The following SPDYA variants were observed in gnomAD, a reference collection of about 807,000 sequenced individuals.
SPDYA encodes speedy protein A.
A neutral mutation model predicts 36.7 loss-of-function variants in SPDYA; 11 were observed. The ratio of observed to expected loss-of-function variants is 0.30; its 90% CI spans 0.19 to 0.50. The LOEUF (loss-of-function observed/expected upper bound fraction) is 0.50. SPDYA is among the 20% of genes least tolerant of loss of function. The probability of loss-of-function intolerance (pLI) is 0.98; values close to 1 mark genes in which losing one functional copy is unlikely to be tolerated. For missense variants in SPDYA, 287 were observed against 370.9 expected (o/e 0.77, Z 1.86); for synonymous variants, 115 against 118.7 (o/e 0.97, Z 0.20).
chr2:28,813,154 G>A (rs1667895483), intron 1 of SPDYA, among the ~76,000 whole-genome samples: 1 of 152,182 alleles, frequency 6.6e-6, no homozygotes, highest in Non-Finnish European at 1.5e-5. Flanking sequence ...TAAAGACAAT[G>A]AAGCTCCACT....
In SPDYA at chr2:28,850,048, C is replaced by T. The variant is rs1328055620; in HGVS notation, c.*107C>T. The T allele has an allele frequency of 8.6e-7, 1 of 1,168,746 alleles. No individual in the cohort carries two copies. The highest frequency in any genetic ancestry group is 1.2e-6 in the Non-Finnish European group (1 of 809,252). The allele number at this position is 1,168,746 out of a possible 1,614,324, so 72.4% of individuals were successfully genotyped here. On this transcript the variant is annotated 3_prime_UTR_variant, in exon 8 of 8. Coordinates refer to ENST00000334056, the MANE Select transcript of SPDYA (RefSeq NM_182756.4). The stretch of plus-strand genomic sequence containing the variant: ...TAAGCAGTTTTGCTATGTTATACAT[C>T]TTTTAGTTGTTATTTTCAAAATTAT...
intron 6 of SPDYA, among the ~76,000 whole-genome samples, chr2:28,835,745 T>G (rs1668580936): frequency 6.6e-6 from 1 of 152,202 alleles, no homozygotes; most frequent in South Asian, 2.1e-4. Flanking sequence ...AGAGAAGCTG[T>G]TTTTTGGCTG....
In SPDYA at chr2:28,850,389, A is replaced by G. The variant is rs530869981; in HGVS notation, c.*448A>G. On this transcript the variant is annotated 3_prime_UTR_variant, in exon 8 of 8. Coordinates refer to ENST00000334056, the MANE Select transcript of SPDYA (RefSeq NM_182756.4). Reference sequence around the variant, plus strand: ...CATAGGGAAATGATCCATATGGAAAATCAGAATGCGATTCTTCTGTTGTAA... The same window carrying G: ...CATAGGGAAATGATCCATATGGAAAGTCAGAATGCGATTCTTCTGTTGTAA... The G allele has an allele frequency of 1.9e-6, 3 of 1,607,112 alleles. No individual in the cohort carries two copies. The African/African-American group carries it at 4.0e-5, about 21-fold the overall frequency.
At chr2:28,822,660 T>A (rs1267503970) in intron 5 of SPDYA, among the ~76,000 whole-genome samples, 2 of 152,184 alleles carry the variant, frequency 1.3e-5, no homozygotes, top group African/African-American at 2.4e-5. Context: ...CAGGCTGGAG[T>A]GCAGTGGCAC....
At chr2:28,819,845 AAAAAATATATATATATATATATATAT>A (rs1479796092) in intron 4 of SPDYA, among the ~76,000 whole-genome samples, 11 of 33,060 alleles carry the variant, frequency 3.3e-4, no homozygotes, top group Middle Eastern at 0.011. Flanking sequence ...AAAAAAAAAA[AAAAAATATATATATATATATATATAT>A]ATATATATAT....
At chr2:28,823,745 A>ATATATATATGTAT (rs1491479223) in intron 5 of SPDYA, among the ~76,000 whole-genome samples, 1 of 42,858 alleles carries the variant, frequency 2.3e-5, no homozygotes. Flanking sequence ...ATATATATAT[A>ATATATATATGTAT]AAATTTTTTT....
chr2:28,836,996 G>A (rs1303961477), intron 6 of SPDYA, among the ~76,000 whole-genome samples: 4 of 152,124 alleles, frequency 2.6e-5, no homozygotes, highest in South Asian at 4.1e-4. Flanking sequence ...CTCTATTCCC[G>A]TTAATACTCT....
In SPDYA at chr2:28,850,051, T is replaced by C. The variant is rs1293490840; in HGVS notation, c.*110T>C. On this transcript the variant is annotated 3_prime_UTR_variant, in exon 8 of 8. Coordinates refer to ENST00000334056, the MANE Select transcript of SPDYA (RefSeq NM_182756.4). Reference sequence around the variant, plus strand: ...GCAGTTTTGCTATGTTATACATCTTTTAGTTGTTATTTTCAAAATTATATG... The same window carrying C: ...GCAGTTTTGCTATGTTATACATCTTCTAGTTGTTATTTTCAAAATTATATG... 2 of 1,157,080 alleles carry C rather than the reference T, an allele frequency of 1.7e-6. No individual in the cohort carries two copies. The highest frequency in any genetic ancestry group is 2.5e-6 in the Non-Finnish European group (2 of 800,020). The allele number at this position is 1,157,080 out of a possible 1,614,324, so 71.7% of individuals were successfully genotyped here. A position where few individuals can be genotyped will look rare whatever the true frequency, so the allele number is the denominator to read the frequency against.
In SPDYA at chr2:28,820,049, C is replaced by T. The variant is rs372810161; in HGVS notation, c.294+943C>T. 1.9e-4 allele frequency among the ~76,000 whole-genome samples: 28 copies of T among 150,474 alleles called. No homozygotes were observed. The East Asian group carries it at 4.7e-3, about 25-fold the overall frequency. ...AACCAAAGAACCACAAACAGAAAAT[C>T]AGTATAGACTTAATACATTTTGATC... On this transcript the variant is annotated intron_variant, in intron 4 of 7. Coordinates refer to ENST00000334056, the MANE Select transcript of SPDYA (RefSeq NM_182756.4).
chr2:28,844,169 A>T (rs1173970525), intron 7 of SPDYA, among the ~76,000 whole-genome samples: 1 of 152,232 alleles, frequency 6.6e-6, no homozygotes, highest in Non-Finnish European at 1.5e-5. Flanking sequence ...TAATTAGGGC[A>T]TATAAGTTAA....
chr2:28,835,379 A>G (rs1035991318), intron 6 of SPDYA, among the ~76,000 whole-genome samples: 1 of 152,168 alleles, frequency 6.6e-6, no homozygotes, highest in Non-Finnish European at 1.5e-5. Context: ...CTGGGATTAC[A>G]GGCATGCGCC....
Position 28,816,083 on chromosome 2 carries a change from TA to T in SPDYA, c.70del (p.Arg24AspfsTer11). 1 of 1,614,008 alleles carries T rather than the reference TA, an allele frequency of 6.2e-7. No homozygotes were observed. The highest frequency in any genetic ancestry group is 1.7e-4 in the Middle Eastern group (1 of 6,060). On this transcript the variant is annotated frameshift_variant, in exon 3 of 8. Transcript: ENST00000334056. LOFTEE classifies it high-confidence loss of function. Reference sequence around the variant, plus strand: ...CTGTTTATGTAAAATCAGGGTCAAATAGATCACATCAGCCTAAAAAGCCCAT... The same window carrying T: ...CTGTTTATGTAAAATCAGGGTCAAATGATCACATCAGCCTAAAAAGCCCAT... ...VTVYVKSGSN[R>X]SHQPKKPITL...
At chr2:28,827,758 G>C (rs1048952957) in intron 5 of SPDYA, among the ~76,000 whole-genome samples, 1 of 151,976 alleles carries the variant, frequency 6.6e-6, no homozygotes, top group African/African-American at 2.4e-5. Flanking sequence ...GAGGTTCATT[G>C]AACTTCTTTG....
intron 7 of SPDYA, among the ~76,000 whole-genome samples, chr2:28,843,573 T>G (rs1668800120): frequency 6.7e-6 from 1 of 150,144 alleles, no homozygotes; most frequent in Non-Finnish European, 1.5e-5. Context: ...AAAAATTGAC[T>G]TTTGGGAAAG....
At chr2:28,821,960 C>G (rs1668180212) in intron 4 of SPDYA, among the ~76,000 whole-genome samples, 1 of 152,106 alleles carries the variant, frequency 6.6e-6, no homozygotes, top group Admixed American at 6.5e-5. Context: ...ATAGAGATAG[C>G]AAACATGGCA....
chr2:28,838,580 G>A (rs1322300967), intron 6 of SPDYA, among the ~76,000 whole-genome samples: 2 of 152,110 alleles, frequency 1.3e-5, no homozygotes, highest in South Asian at 2.1e-4. Flanking sequence ...GATTATATGT[G>A]TATAAAATAT....
chr2:28,830,425 A>T (rs1032040266), intron 6 of SPDYA, among the ~76,000 whole-genome samples: 1 of 151,882 alleles, frequency 6.6e-6, no homozygotes, highest in African/African-American at 2.4e-5. Flanking sequence ...GGATAGTGTC[A>T]ATCTCCTGAC....
At chr2:28,821,080 TAA>T (rs1249348213) in intron 4 of SPDYA, among the ~76,000 whole-genome samples, 2 of 152,070 alleles carry the variant, frequency 1.3e-5, no homozygotes, top group South Asian at 2.1e-4. Context: ...CACTAAAAGT[TAA>T]GAGCTGTTTT....
chr2:28,825,440 T>A lies in SPDYA; in HGVS notation c.380+3030T>A, dbSNP rs113209524. On this transcript the variant is annotated intron_variant, in intron 5 of 7. Coordinates refer to ENST00000334056, the MANE Select transcript of SPDYA (RefSeq NM_182756.4). ...AGCTCCATATTAAAAATAACATGAATTATAATTTCCATTTTAAGACTAATC... is the reference window on the plus strand; with the variant it reads ...AGCTCCATATTAAAAATAACATGAAATATAATTTCCATTTTAAGACTAATC... 4.7e-3 allele frequency among the ~76,000 whole-genome samples: 719 copies of A among 152,276 alleles called. 7 individuals are homozygous for A. The highest frequency in any genetic ancestry group is 0.016 in the African/African-American group (683 of 41,566).
Sources: gnomAD v4.1 joint callset for allele counts (sites outside exome capture counted in the v4.1 genomes callset) on GRCh38, gnomAD v4.1.1 for gene constraint, MANE v1.5 for transcripts, NCBI Gene and HGNC (gene_info 2026-07-23, HGNC 2026-07-21) for gene names.